The following TBC1D5 variants were observed in gnomAD, a reference collection of about 807,000 sequenced individuals.
TBC1D5 encodes the protein TBC1 domain family member 5.
TBC1D5 carries 75 observed loss-of-function variants against 100.3 expected under a neutral mutation model. The observed-to-expected ratio is 0.75, with a 90% CI of 0.62 to 0.91. The LOEUF (loss-of-function observed/expected upper bound fraction) is 0.91, where lower values mean the gene tolerates loss of function less well. Ranked by LOEUF, TBC1D5 falls within the 40% of genes least tolerant of loss-of-function variation. TBC1D5 has a pLI of 0.00. For synonymous variants in TBC1D5, 323 were observed against 325.6 expected (o/e 0.99, Z 0.09); for missense variants, 910 against 942.4 (o/e 0.97, Z 0.45).
intron 7 of TBC1D5, among the ~76,000 whole-genome samples, chr3:17,403,863 C>G (rs542993080): frequency 6.6e-6 from 1 of 152,150 alleles, no homozygotes; most frequent in Admixed American, 6.6e-5. Context: ...GCTACTGCTA[C>G]TACCCCTGTA....
intron 13 of TBC1D5, among the ~76,000 whole-genome samples, chr3:17,369,905 A>G (rs2092372347): frequency 6.6e-6 from 1 of 152,182 alleles, no homozygotes; most frequent in African/African-American, 2.4e-5. Flanking sequence ...ATATTTTAAA[A>G]AATAATACAG....
intron 2 of TBC1D5, among the ~76,000 whole-genome samples, chr3:17,565,807 T>C (rs916791515): frequency 1.3e-5 from 2 of 152,034 alleles, no homozygotes; most frequent in Admixed American, 6.6e-5. Flanking sequence ...GTCCCACATT[T>C]TCACAAAGGG....
At chr3:17,172,194 T>C (rs2067232501) in intron 19 of TBC1D5, among the ~76,000 whole-genome samples, 1 of 152,146 alleles carries the variant, frequency 6.6e-6, no homozygotes, top group African/African-American at 2.4e-5. Context: ...TAAATCCAAA[T>C]TAAAACAAAA....
chr3:17,521,075 CAAAT>C (rs762225873), intron 2 of TBC1D5, among the ~76,000 whole-genome samples: 6 of 152,184 alleles, frequency 3.9e-5, no homozygotes, highest in Admixed American at 2.0e-4. Flanking sequence ...ATATAATAGA[CAAAT>C]GAACAAACTT....
At chr3:17,705,008 C>A (rs1341003958) in intron 1 of TBC1D5, among the ~76,000 whole-genome samples, 4 of 131,148 alleles carry the variant, frequency 3.0e-5, no homozygotes, top group Non-Finnish European at 6.8e-5. Flanking sequence ...AGGGCTGACC[C>A]CCCCACCTCC....
chr3:17,239,407 A>AT (rs2076133349), intron 16 of TBC1D5, among the ~76,000 whole-genome samples: 1 of 152,134 alleles, frequency 6.6e-6, no homozygotes, highest in Non-Finnish European at 1.5e-5. Context: ...CATGGTGAGT[A>AT]TATGTATATG....
chr3:17,693,618 C>A (rs1257701137), intron 1 of TBC1D5, among the ~76,000 whole-genome samples: 1 of 152,190 alleles, frequency 6.6e-6, no homozygotes, highest in Non-Finnish European at 1.5e-5. Context: ...GCTCAGCACA[C>A]CCTGCAGCCG....
At chr3:17,220,535 T>G (rs976068053) in intron 17 of TBC1D5, among the ~76,000 whole-genome samples, 5 of 152,192 alleles carry the variant, frequency 3.3e-5, no homozygotes, top group Non-Finnish European at 5.9e-5. Flanking sequence ...TTTCTGTGTA[T>G]GTCTACTTTT....
chr3:17,413,036 A>G (rs559373661), intron 4 of TBC1D5, among the ~76,000 whole-genome samples: 38 of 152,306 alleles, frequency 2.5e-4, no homozygotes, highest in African/African-American at 8.2e-4. Flanking sequence ...AGTAGTTAAG[A>G]ACCTGGGTGT....
chr3:17,240,389 C>T (rs2076209250), intron 16 of TBC1D5, among the ~76,000 whole-genome samples: 1 of 152,056 alleles, frequency 6.6e-6, no homozygotes, highest in Non-Finnish European at 1.5e-5. Flanking sequence ...ATGTAAATGT[C>T]CTTCCAAAAA....
chr3:17,537,546 T>C (rs2096294691), intron 2 of TBC1D5, among the ~76,000 whole-genome samples: 1 of 152,198 alleles, frequency 6.6e-6, no homozygotes, highest in African/African-American at 2.4e-5. Flanking sequence ...ATGCTCTGTA[T>C]GCATTAAATA....
intron 16 of TBC1D5, among the ~76,000 whole-genome samples, chr3:17,255,866 G>A (rs1006698085): frequency 2.0e-5 from 3 of 151,926 alleles, no homozygotes; most frequent in African/African-American, 4.8e-5. Flanking sequence ...GTGAAACCCC[G>A]TCTACTAAAA....
chr3:17,712,342 C>T (rs1046455838), intron 1 of TBC1D5, among the ~76,000 whole-genome samples: 1 of 152,092 alleles, frequency 6.6e-6, no homozygotes, highest in Non-Finnish European at 1.5e-5. Context: ...AAATCAGAAC[C>T]GCAAAGCTGC....
chr3:17,189,652 CCA>C (rs1402505449), intron 18 of TBC1D5, among the ~76,000 whole-genome samples: 3 of 152,228 alleles, frequency 2.0e-5, no homozygotes, highest in African/African-American at 7.2e-5. Context: ...CCTCTGTAAG[CCA>C]CAGTCTCTGG....
At chr3:17,372,918 C>T (rs1007033390) in intron 12 of TBC1D5, among the ~76,000 whole-genome samples, 12 of 152,236 alleles carry the variant, frequency 7.9e-5, no homozygotes, top group African/African-American at 2.6e-4. Context: ...CAAACCTTCC[C>T]TGTAAACAGC....
At chr3:17,546,307 T>C (rs961501638) in intron 2 of TBC1D5, among the ~76,000 whole-genome samples, 1 of 152,196 alleles carries the variant, frequency 6.6e-6, no homozygotes, top group Non-Finnish European at 1.5e-5. Flanking sequence ...GTGCTTATAT[T>C]GTACACAACT....
intron 12 of TBC1D5, among the ~76,000 whole-genome samples, chr3:17,374,235 T>G (rs2092604455): frequency 6.6e-6 from 1 of 152,068 alleles, no homozygotes; most frequent in Non-Finnish European, 1.5e-5. Flanking sequence ...GCTGCTTGAT[T>G]AATATACACA....
intron 1 of TBC1D5, among the ~76,000 whole-genome samples, chr3:17,628,918 GT>G (rs1471303769): frequency 1.3e-5 from 2 of 152,218 alleles, no homozygotes; most frequent in Non-Finnish European, 2.9e-5. Context: ...AATATGTGCT[GT>G]GTCTGCCGCC....
At chr3:17,290,696 C>T (rs1287371961) in intron 15 of TBC1D5, among the ~76,000 whole-genome samples, 1 of 152,174 alleles carries the variant, frequency 6.6e-6, no homozygotes, top group African/African-American at 2.4e-5. Flanking sequence ...TATAGTCATA[C>T]AACTTACAAA....
Sources: allele counts gnomAD v4.1 joint callset (sites outside exome capture counted in the v4.1 genomes callset), GRCh38; gene constraint gnomAD v4.1.1; transcripts MANE v1.5; gene names NCBI Gene and HGNC (gene_info 2026-07-23, HGNC 2026-07-21).